Variants in IMPG2 observed in about 807,000 individuals in gnomAD.
The protein encoded by IMPG2 is IPM 200.
Under a neutral mutation model 129.2 loss-of-function variants are expected in IMPG2, and 91 were observed. The ratio of observed to expected loss-of-function variants is 0.70; its 90% CI spans 0.59 to 0.84. The LOEUF (loss-of-function observed/expected upper bound fraction) is 0.84, where lower values mean the gene tolerates loss of function less well. IMPG2 is among the 40% of genes least tolerant of loss of function. The pLI is 0.00. For synonymous variants in IMPG2, 510 were observed against 517.7 expected (o/e 0.99, Z 0.20); for missense variants, 1,430 against 1,461.7 (o/e 0.98, Z 0.35).
At chr3:101,269,636 A>G (rs1706758208) in intron 7 of IMPG2, 63 bp from the exon 8 acceptor site, 1 of 978,068 alleles carries the variant, frequency 1.0e-6, no homozygotes, top group Non-Finnish European at 1.6e-6. Context: ...ATAGAAAATA[A>G]TGCTTTTAAG....
intron 2 of IMPG2, among the ~76,000 whole-genome samples, chr3:101,312,401 T>C (rs536409355): frequency 1.1e-4 from 16 of 152,054 alleles, no homozygotes; most frequent in Non-Finnish European, 1.9e-4. Flanking sequence ...ATACAAATGA[T>C]AAATAAGCAT....
At chr3:101,257,221 A>G (rs1706620276) in intron 10 of IMPG2, among the ~76,000 whole-genome samples, 1 of 152,034 alleles carries the variant, frequency 6.6e-6, no homozygotes, top group Non-Finnish European at 1.5e-5. Flanking sequence ...GAAGTATTAT[A>G]GCCTGTTTCA....
intron 13 of IMPG2, 35 bp from the exon 14 acceptor site, chr3:101,242,942 C>A: frequency 1.3e-6 from 2 of 1,557,378 alleles, no homozygotes; most frequent in Non-Finnish European, 1.8e-6. Context: ...TTATTGACAG[C>A]GTGTCACATT....
intron 4 of IMPG2, among the ~76,000 whole-genome samples, chr3:101,280,486 G>C (rs1014137198): frequency 6.6e-6 from 1 of 152,044 alleles, no homozygotes; most frequent in African/African-American, 2.4e-5. Flanking sequence ...TTTAAAACAA[G>C]AACACCTCCA....
At chr3:101,227,736 C>T in intron 18 of IMPG2, 3 of 451,878 alleles carry the variant, frequency 6.6e-6, no homozygotes, top group South Asian at 4.7e-5. Context: ...GGAGCCAAGT[C>T]AGATGTTCAG....
At chr3:101,232,469 C>T (rs995196026) in intron 15 of IMPG2, among the ~76,000 whole-genome samples, 1 of 152,088 alleles carries the variant, frequency 6.6e-6, no homozygotes, top group Non-Finnish European at 1.5e-5. Flanking sequence ...ATCTCCCGAC[C>T]TCAGGTGATC....
intron 17 of IMPG2, 80 bp downstream of exon 17, chr3:101,229,300 A>ACCCCCCCCCCCCCCCCCCCCCGCC: frequency 2.3e-6 from 2 of 859,116 alleles, no homozygotes; most frequent in Non-Finnish European, 3.8e-6. Flanking sequence ...ACTCATACAC[A>ACCCCCCCCCCCCCCCCCCCCCGCC]CCCCCACCCA....
chr3:101,266,995 A>G (rs921488588), intron 9 of IMPG2, among the ~76,000 whole-genome samples: 1 of 152,216 alleles, frequency 6.6e-6, no homozygotes, highest in African/African-American at 2.4e-5. Context: ...AATACTATTC[A>G]GCCATAAAAA....
chr3:101,226,790 T>C lies in IMPG2; in HGVS notation c.*179A>G, dbSNP rs1427402187. ...CTTTATAGAAATAAAAATGGTAACA[T>C]CTCTTACTACATTCTGAAAACTTAA... is the stretch of plus-strand genomic sequence containing the variant. On this transcript the variant is annotated 3_prime_UTR_variant, in exon 19 of 19. Coordinates refer to ENST00000193391, the MANE Select transcript of IMPG2 (RefSeq NM_016247.4). 1.6e-6 allele frequency: 1 copy of C among 618,930 alleles called. No homozygotes were observed. Among genetic ancestry groups the C allele is most frequent in the Non-Finnish European group, 2.9e-6 (1 of 349,568 alleles). The allele number at this position is 618,930 out of a possible 1,614,324, so 38.3% of individuals were successfully genotyped here.
At chr3:101,248,673 C>T (rs1706511047) in intron 11 of IMPG2, among the ~76,000 whole-genome samples, 1 of 152,188 alleles carries the variant, frequency 6.6e-6, no homozygotes, top group African/African-American at 2.4e-5. Flanking sequence ...AAGTCATTGG[C>T]TCTATAGAGT....
intron 9 of IMPG2, among the ~76,000 whole-genome samples, chr3:101,260,885 T>C (rs1253870406): frequency 1.3e-5 from 2 of 152,178 alleles, no homozygotes; most frequent in African/African-American, 4.8e-5. Flanking sequence ...GTTCAATACA[T>C]ACTTGTGAAA....
chr3:101,248,159 T>C (rs1430839281), intron 11 of IMPG2, among the ~76,000 whole-genome samples: 1 of 152,142 alleles, frequency 6.6e-6, no homozygotes. Flanking sequence ...CCAAATCTCA[T>C]CTTGAATTTC....
Position 101,304,204 on chromosome 3 carries a change from A to G in IMPG2, c.443T>C (p.Ile148Thr). Reference protein sequence around the residue: ...MNLCEDGVTSIFEMGTNFSES... With the variant: ...MNLCEDGVTSTFEMGTNFSES... ...ACTAAAATTTGTGCCCATTTCAAATATACTTGTGACTCCATCCTCACACAA... is the reference window on the plus strand; with the variant it reads ...ACTAAAATTTGTGCCCATTTCAAATGTACTTGTGACTCCATCCTCACACAA... Residue 148 changes from isoleucine (I) to threonine (T), a missense_variant, in exon 3 of 19, where the codon ATA becomes ACA. By Grantham distance (89) the Ile-to-Thr change is moderately conservative (BLOSUM62 -1). Transcript: ENST00000193391. The G allele has an allele frequency of 6.2e-7, 1 of 1,613,940 alleles. No individual in the cohort carries two copies. The highest frequency in any genetic ancestry group is 8.5e-7 in the Non-Finnish European group (1 of 1,179,802).
chr3:101,248,310 T>C (rs1576750121), intron 11 of IMPG2, among the ~76,000 whole-genome samples: 1 of 152,204 alleles, frequency 6.6e-6, no homozygotes, highest in Non-Finnish European at 1.5e-5. Flanking sequence ...AGAGCTCATC[T>C]CTTGTCTAAC....
At chr3:101,309,236 T>C (rs982290139) in intron 2 of IMPG2, among the ~76,000 whole-genome samples, 1 of 152,180 alleles carries the variant, frequency 6.6e-6, no homozygotes, top group Non-Finnish European at 1.5e-5. Context: ...AGTTCCAAAG[T>C]TGCTTCCACA....
intron 10 of IMPG2, among the ~76,000 whole-genome samples, chr3:101,254,903 TTCTC>T (rs370565511): frequency 2.7e-5 from 4 of 149,298 alleles, no homozygotes; most frequent in Admixed American, 6.7e-5. Context: ...GTGTGGCACT[TTCTC>T]TCTCTCTCTC....
chr3:101,276,229 C>A (rs888570319), intron 5 of IMPG2, among the ~76,000 whole-genome samples: 9 of 152,024 alleles, frequency 5.9e-5, no homozygotes, highest in African/African-American at 2.2e-4. Flanking sequence ...AAATGAATTA[C>A]CAATTTACAA....
At chr3:101,300,550 T>C (rs565914) in intron 3 of IMPG2, among the ~76,000 whole-genome samples, 137,928 of 152,292 alleles carry the variant, frequency 0.91, 62,585 homozygotes, top group East Asian at 1. Context: ...TCTTCTGATC[T>C]GTGGGTTGCA....
chr3:101,253,856 G>C, intron 10 of IMPG2, 75 bp from the exon 11 acceptor site: 2 of 998,854 alleles, frequency 2.0e-6, no homozygotes, highest in East Asian at 2.5e-5. Flanking sequence ...ACAACTGAAA[G>C]TCAAGTTCTT....
Sources: allele counts gnomAD v4.1 joint callset (sites outside exome capture counted in the v4.1 genomes callset), GRCh38; gene constraint gnomAD v4.1.1; transcripts MANE v1.5; gene names NCBI Gene and HGNC (gene_info 2026-07-23, HGNC 2026-07-21).